Variants in RGS12 observed in about 807,000 individuals in gnomAD.
The protein encoded by RGS12 is regulator of G protein signaling 12.
In RGS12, 66 loss-of-function variants were observed where a neutral mutation model predicts 120.1. The observed-to-expected ratio is 0.55, with a 90% CI of 0.45 to 0.67. RGS12 has a LOEUF of 0.67. Ranked by LOEUF, RGS12 falls within the 30% of genes least tolerant of loss-of-function variation. The pLI is 0.00. For synonymous variants in RGS12, 827 were observed against 804.7 expected (o/e 1.03, Z -0.47); for missense variants, 1,859 against 1,957.7 (o/e 0.95, Z 0.95).
At chr4:3,415,038 C>T (rs1289877474) in intron 6 of RGS12, among the ~76,000 whole-genome samples, 194 bp downstream of exon 6, 2 of 61,464 alleles carry the variant, frequency 3.3e-5, no homozygotes, top group Admixed American at 1.7e-4. Flanking sequence ...GTGAGAGGGA[C>T]GTGTGAGAGG....
chr4:3,311,361 C>T (rs1427085762), intron 1 of RGS12, among the ~76,000 whole-genome samples: 1 of 152,038 alleles, frequency 6.6e-6, no homozygotes, highest in African/African-American at 2.4e-5. Context: ...CAGAACAGGA[C>T]CTTTTATAGG....
At position 3,420,687 on chromosome 4, in the gene RGS12, G is replaced by C. The variant is rs1722922343; in HGVS notation, c.2807G>C (p.Gly936Ala). 1 of 1,613,028 alleles carries C rather than the reference G, an allele frequency of 6.2e-7. No individual in the cohort carries two copies. Among genetic ancestry groups the C allele is most frequent in the Admixed American group, 1.7e-5 (1 of 60,010 alleles). ...NGGLCRRESQGSVSSAGSLDL... is the reference protein window; with the variant it reads ...NGGLCRRESQASVSSAGSLDL... ...GGCCTGTGTCGCCGAGAGTCGCAGGGCTCTGTGTCCTCTGCGGGGAGCCTG... is the reference window on the plus strand; with the variant it reads ...GGCCTGTGTCGCCGAGAGTCGCAGGCCTCTGTGTCCTCTGCGGGGAGCCTG... Residue 936 changes from glycine to alanine, a missense_variant, in exon 10 of 18, where the codon GGC (glycine) becomes GCC (alanine). By Grantham distance (60) the Gly-to-Ala change is moderately conservative. Around this residue, in one of 3 missense-constraint regions of RGS12, gnomAD observed 375 missense variants for 475.0 expected, o/e 0.79. Transcript: ENST00000336727.
At chr4:3,309,906 A>C (rs56359978) in intron 1 of RGS12, among the ~76,000 whole-genome samples, 6 of 65,900 alleles carry the variant, frequency 9.1e-5, no homozygotes, top group African/African-American at 2.0e-4. Flanking sequence ...GGAACCGTGC[A>C]GGGGAGGAGC....
At chr4:3,418,446 C>T (rs890581404) in intron 9 of RGS12, 3 of 152,312 alleles carry the variant, frequency 2.0e-5, no homozygotes, top group African/African-American at 7.2e-5. Context: ...GGCACTTAGC[C>T]TGTGGTCTCC....
intron 4 of RGS12, among the ~76,000 whole-genome samples, chr4:3,410,920 TGTGGCCG>T (rs1207850386): frequency 6.6e-6 from 1 of 152,232 alleles, no homozygotes; most frequent in Non-Finnish European, 1.5e-5. Context: ...CTGTGTGATG[TGTGGCCG>T]GTGCCCCACA....
intron 11 of RGS12, 23 bp from the exon 12 acceptor site, chr4:3,422,882 A>G (rs767098387): frequency 2.5e-6 from 4 of 1,609,928 alleles, no homozygotes; most frequent in South Asian, 2.2e-5. Flanking sequence ...GCCCACGTTG[A>G]TTCTGGTCTC....
At chr4:3,395,704 C>T (rs1292405376) in intron 4 of RGS12, among the ~76,000 whole-genome samples, 1 of 152,094 alleles carries the variant, frequency 6.6e-6, no homozygotes, top group African/African-American at 2.4e-5. Flanking sequence ...ATTTTTGGCC[C>T]TTTGAATATC....
rs572009998 is a variant in RGS12, at chr4:3,439,579, G to A, written c.4239G>A (p.Ser1413=). The A allele has an allele frequency of 1.8e-5, 29 of 1,611,070 alleles. No homozygotes were observed. Among genetic ancestry groups the A allele is most frequent in the Middle Eastern group, 1.7e-4 (1 of 6,046 alleles). Residue 1413 remains serine, a synonymous_variant, in exon 18 of 18, where the codon TCG becomes TCA. Coordinates refer to ENST00000336727, the MANE Select transcript of RGS12 (RefSeq NM_001394154.1). ...IAGAQAGPGR[S]QASGGPPTSD... The stretch of plus-strand genomic sequence containing the variant: ...GGGCACAGGCTGGCCCTGGGAGGTC[G>A]CAGGCCAGTGGTGGGCCTCCTACAT...
At position 3,417,079 on chromosome 4, in the gene RGS12, C is replaced by T. The variant is rs774343781; in HGVS notation, c.2594C>T (p.Ser865Phe). The part of the protein sequence containing the change: ...HSLGSDHSSV[S>F]TPKKLSGKSK... ...CTCGGTTCAGACCACTCCAGTGTGT[C>T]CACGCCAAAAAAGGTGACCTCCCCG... Residue 865 changes from serine (S) to phenylalanine (F), a missense_variant, in exon 8 of 18, where the codon TCC becomes TTC. Physicochemically the swap from Ser to Phe is radical, Grantham distance 155. Around this residue, in one of 3 missense-constraint regions of RGS12, gnomAD observed 375 missense variants for 475.0 expected, o/e 0.79. Transcript: ENST00000336727. 2.0e-5 allele frequency: 32 copies of T among 1,601,840 alleles called. No homozygotes were observed. The highest frequency in any genetic ancestry group is 2.7e-5 in the Non-Finnish European group (32 of 1,171,574).
chr4:3,317,835 C>G lies in RGS12; in HGVS notation c.1665C>G (p.Asp555Glu). ...EWQCGHTSDQ[D>E]SYTDSTDGWS... ...AGTGCGGACACACCAGCGACCAGGA[C>G]TCTTACACAGATTCCACCGATGGCT... The change falls in exon 2 of 18, where the codon GAC becomes GAG. Residue 555 changes from aspartate to glutamate, a missense_variant. Physicochemically the swap from Asp to Glu is conservative, Grantham distance 45. Coordinates refer to ENST00000336727, the MANE Select transcript of RGS12 (RefSeq NM_001394154.1). 1 of 1,613,502 alleles carries G rather than the reference C, an allele frequency of 6.2e-7. No individual in the cohort carries two copies. Among genetic ancestry groups the G allele is most frequent in the South Asian group, 1.1e-5 (1 of 91,030 alleles).
At chr4:3,327,281 C>A (rs1238884794) in intron 2 of RGS12, among the ~76,000 whole-genome samples, 1 of 152,144 alleles carries the variant, frequency 6.6e-6, no homozygotes, top group Non-Finnish European at 1.5e-5. Context: ...TCTCACCATA[C>A]ACAAAATCAA....
Position 3,389,882 on chromosome 4 carries a change from C to T in RGS12, c.2020+3445C>T, listed in dbSNP as rs528929332. On this transcript the variant is annotated intron_variant, in intron 4 of 17. Coordinates refer to ENST00000336727, the MANE Select transcript of RGS12 (RefSeq NM_001394154.1). The surrounding 1 kb of genome is among the most constrained non-coding windows in gnomAD (Gnocchi z 5.2). ...CTCGCAGCCTCACCCTGGGGACCCC[C>T]GACACGTACTAGTCGCAGTCCTCCA... Among the ~76,000 whole-genome samples the T allele has an allele frequency of 5.3e-4, 80 of 152,308 alleles. No individual in the cohort carries two copies. Among genetic ancestry groups the T allele is most frequent in the African/African-American group, 1.7e-3 (69 of 41,560 alleles).
chr4:3,319,349 A>G (rs1725027423), intron 2 of RGS12, among the ~76,000 whole-genome samples: 2 of 152,254 alleles, frequency 1.3e-5, no homozygotes, highest in South Asian at 4.1e-4. Context: ...TATCTCCTCA[A>G]AATGATCACT....
In RGS12 at chr4:3,317,931, G is replaced by A; in HGVS notation, c.1761G>A (p.Glu587=). The change falls in exon 2 of 18, where the codon GAG becomes GAA. Residue 587 remains glutamate, a synonymous_variant. Coordinates refer to ENST00000336727, the MANE Select transcript of RGS12 (RefSeq NM_001394154.1). ...SKIPADRYRV[E]GSFAQPPLNA... Reference sequence around the variant, plus strand: ...TCCCCGCAGACCGCTACAGGGTGGAGGGCAGCTTCGCGCAGCCCCCGCTGA... The same window carrying A: ...TCCCCGCAGACCGCTACAGGGTGGAAGGCAGCTTCGCGCAGCCCCCGCTGA... 6.2e-7 allele frequency: 1 copy of A among 1,614,174 alleles called. No individual in the cohort carries two copies. The highest frequency in any genetic ancestry group is 8.5e-7 in the Non-Finnish European group (1 of 1,180,036).
intron 4 of RGS12, among the ~76,000 whole-genome samples, chr4:3,409,614 C>G (rs552331600): frequency 1.3e-5 from 2 of 152,192 alleles, no homozygotes; most frequent in Admixed American, 6.5e-5. Flanking sequence ...GAGGTGGGCC[C>G]GGGGGCTGGT....
At chr4:3,347,500 G>C (rs1713929140) in intron 3 of RGS12, among the ~76,000 whole-genome samples, 1 of 152,076 alleles carries the variant, frequency 6.6e-6, no homozygotes, top group Non-Finnish European at 1.5e-5. Flanking sequence ...TTTAAGTAAA[G>C]AACCAACAAT....
chr4:3,369,893 G>A (rs961117431), intron 3 of RGS12: 13 of 424,944 alleles, frequency 3.1e-5, no homozygotes, highest in Admixed American at 5.6e-5. Flanking sequence ...TAGATTCATT[G>A]GCAGCTGTAA....
rs139555671 is a variant in RGS12, at chr4:3,317,100, A to G, written c.930A>G (p.Arg310=). The G allele has an allele frequency of 7.2e-5, 116 of 1,613,460 alleles. No individual in the cohort carries two copies. In the African/African-American group the frequency reaches 1.2e-3, roughly 17 times the overall value. The change falls in exon 2 of 18, where the codon CGA becomes CGG. Residue 310 remains arginine (R), a synonymous_variant. Coordinates refer to ENST00000336727, the MANE Select transcript of RGS12 (RefSeq NM_001394154.1). The part of the protein sequence containing the change: ...AFSAVCPDDR[R]FFGLVTMQTN... The stretch of plus-strand genomic sequence containing the variant: ...GCGCCGTGTGCCCGGACGACCGGCG[A>G]TTTTTCGGGTTGGTTACCATGCAGA...
intron 1 of RGS12, among the ~76,000 whole-genome samples, chr4:3,301,601 A>T (rs886507167): frequency 1.3e-5 from 2 of 150,344 alleles, no homozygotes; most frequent in Admixed American, 1.3e-4. Flanking sequence ...AGGGCCGGGG[A>T]TGGAGAGTGA....
Sources: gnomAD v4.1 joint callset for allele counts (sites outside exome capture counted in the v4.1 genomes callset) on GRCh38, gnomAD v4.1.1 for gene constraint, gnomAD v4.1.1 regional missense constraint, Gnocchi (gnomAD v3.1) non-coding constraint, MANE v1.5 for transcripts, NCBI Gene and HGNC (gene_info 2026-07-23, HGNC 2026-07-21) for gene names.